The following PTPN6 variants were observed in gnomAD, a reference collection of about 807,000 sequenced individuals.
The protein encoded by PTPN6 is protein tyrosine phosphatase non-receptor type 6.
A neutral mutation model predicts 81.5 loss-of-function variants in PTPN6; 18 were observed. The observed-to-expected ratio is 0.22, with a 90% CI of 0.15 to 0.33. The LOEUF (loss-of-function observed/expected upper bound fraction) is 0.33. Among genes scored for constraint, PTPN6 ranks in the 10% least tolerant of loss-of-function variants. The pLI, the probability that PTPN6 is intolerant of heterozygous loss-of-function variation, is 1.00. For missense variants in PTPN6, 500 were observed against 794.2 expected (o/e 0.63, Z 4.45); for synonymous variants, 301 against 310.9 (o/e 0.97, Z 0.33).
In PTPN6 at chr12:6,955,449, G is replaced by C. The variant is rs1315244865; in HGVS notation, c.711G>C (p.Glu237Asp). The C allele has an allele frequency of 1.2e-6, 2 of 1,614,010 alleles. No individual in the cohort carries two copies. The highest frequency in any genetic ancestry group is 1.3e-5 in the African/African-American group (1 of 74,904). The part of the protein sequence containing the change: ...VLELNKKQES[E>D]DTAKAGFWEE... Reference sequence around the variant, plus strand: ...AACTGAACAAGAAGCAGGAGTCCGAGGATACAGCCAAGGCTGGCTTCTGGG... The same window carrying C: ...AACTGAACAAGAAGCAGGAGTCCGACGATACAGCCAAGGCTGGCTTCTGGG... Residue 237 changes from glutamate (E) to aspartate (D), a missense_variant, in exon 6 of 16, where the codon GAG (glutamate) becomes GAC (aspartate). Physicochemically the swap from Glu to Asp is conservative, Grantham distance 45. Transcript: ENST00000318974. The surrounding 1 kb of genome is among the most constrained non-coding windows in gnomAD (Gnocchi z 7.2).
Position 6,954,310 on chromosome 12 carries a change from G to A in PTPN6, c.327-495G>A, listed in dbSNP as rs1945981316. On this transcript the variant is annotated intron_variant, in intron 3 of 15. Transcript: ENST00000318974. The surrounding 1 kb of genome is among the most constrained non-coding windows in gnomAD (Gnocchi z 5.4). ...GTGGCCTCGGTCTGCGTTTCTCTTT[G>A]CCTCTGGTCTCTGCTGGGGCACAGT... 6.6e-6 allele frequency among the ~76,000 whole-genome samples: 1 copy of A among 152,146 alleles called. No homozygotes were observed. The highest frequency in any genetic ancestry group is 2.4e-5 in the African/African-American group (1 of 41,434).
rs1476817167 is a variant in PTPN6 at position 6,959,063 on chromosome 12, TCCTCTTCCC to T, written c.1362-861_1362-853del. Among the ~76,000 whole-genome samples the T allele has an allele frequency of 6.6e-6, 1 of 152,204 alleles. No individual in the cohort carries two copies. Among genetic ancestry groups the T allele is most frequent in the African/African-American group, 2.4e-5 (1 of 41,456 alleles). On this transcript the variant is annotated intron_variant, in intron 11 of 15. Transcript: ENST00000318974. This position sits in a 1 kb window ranked among gnomAD's most constrained non-coding sequence, Gnocchi z 6.6. ...AGGCCTGCGACGGCCTCTGGCTTCC[TCCTCTTCCC>T]CCAGCAGCTGTTTGTCCTGGGACAG...
Position 6,955,294 on chromosome 12 carries a change from C to T in PTPN6, c.633+27C>T, listed in dbSNP as rs1467114723. On this transcript the variant is annotated intron_variant, in intron 5 of 15. Transcript: ENST00000318974. This position sits in a 1 kb window ranked among gnomAD's most constrained non-coding sequence, Gnocchi z 7.2. ...TCAGGGGTGGGCCCAGCTGCCTCCCCACTTCCCCTGAGCTGTCCCCCAGAT... is the reference window on the plus strand; with the variant it reads ...TCAGGGGTGGGCCCAGCTGCCTCCCTACTTCCCCTGAGCTGTCCCCCAGAT... 37 of 1,611,762 alleles carry T rather than the reference C, an allele frequency of 2.3e-5. No individual in the cohort carries two copies. The highest frequency in any genetic ancestry group is 3.0e-5 in the Non-Finnish European group (35 of 1,177,924).
At position 6,951,619 on chromosome 12, in the gene PTPN6, C is replaced by A. The variant is rs1179133485; in HGVS notation, c.19C>A (p.Arg7=). 6.2e-7 allele frequency: 1 copy of A among 1,613,676 alleles called. No homozygotes were observed. The highest frequency in any genetic ancestry group is 1.3e-5 in the African/African-American group (1 of 74,854). Residue 7 remains arginine, a synonymous_variant, in exon 2 of 16, where the codon CGA becomes AGA. Transcript: ENST00000318974. The surrounding 1 kb of genome is among the most constrained non-coding windows in gnomAD (Gnocchi z 7.2). ...GCCTGGGCCGCCCAGGTGGTTTCAC[C>A]GAGACCTCAGTGGGCTGGATGCAGA... The part of the protein sequence containing the change: MVRWFH[R]DLSGLDAETL...
Position 6,957,796 on chromosome 12 carries a change from C to T in PTPN6, c.1206+11C>T, listed in dbSNP as rs1555148977. On this transcript the variant is annotated intron_variant, in intron 10 of 15. Coordinates refer to ENST00000318974, the MANE Select transcript of PTPN6 (RefSeq NM_002831.6). This position sits in a 1 kb window ranked among gnomAD's most constrained non-coding sequence, Gnocchi z 6.5. ...TCCCCGCTGGACAATGTGAGTGGCC[C>T]CCACGCCCTGCCCCATTCCGGGAGT... 2 of 1,614,090 alleles carry T rather than the reference C, an allele frequency of 1.2e-6. No homozygotes were observed. Among genetic ancestry groups the T allele is most frequent in the African/African-American group, 1.3e-5 (1 of 75,056 alleles).
Position 6,951,709 on chromosome 12 carries a change from G to T in PTPN6, c.109G>T (p.Gly37Cys). 1.2e-6 allele frequency: 2 copies of T among 1,613,228 alleles called. No individual in the cohort carries two copies. Among genetic ancestry groups the T allele is most frequent in the East Asian group, 2.2e-5 (1 of 44,854 alleles). ...GGCTCGGCCCAGTCGCAAGAACCAG[G>T]GTGACTTCTCGCTCTCCGTCAGGTA... ...FLARPSRKNQGDFSLSVRVGD... is the reference protein window; with the variant it reads ...FLARPSRKNQCDFSLSVRVGD... Residue 37 changes from glycine (G) to cysteine (C), a missense_variant, in exon 2 of 16, where the codon GGT becomes TGT. Transcript: ENST00000318974. This position sits in a 1 kb window ranked among gnomAD's most constrained non-coding sequence, Gnocchi z 7.2.
In PTPN6 at chr12:6,957,298, G is replaced by C. The variant is rs1277293282; in HGVS notation, c.1075-356G>C. 1.3e-5 allele frequency among the ~76,000 whole-genome samples: 2 copies of C among 152,234 alleles called. No homozygotes were observed. The highest frequency in any genetic ancestry group is 2.9e-5 in the Non-Finnish European group (2 of 68,044). ...GTCTTTCCCAGCCACGCTCCTCAGCGCGGTGTCTCCCCCGGTCACCTGTCT... is the reference window on the plus strand; with the variant it reads ...GTCTTTCCCAGCCACGCTCCTCAGCCCGGTGTCTCCCCCGGTCACCTGTCT... On this transcript the variant is annotated intron_variant, in intron 9 of 15. Coordinates refer to ENST00000318974, the MANE Select transcript of PTPN6 (RefSeq NM_002831.6). This position sits in a 1 kb window ranked among gnomAD's most constrained non-coding sequence, Gnocchi z 6.5.
At chr12:6,949,466 C>T (rs781958384), upstream of PTPN6, among the ~76,000 whole-genome samples, 1 of 152,302 alleles carries the variant, frequency 6.6e-6, no homozygotes, top group East Asian at 1.9e-4. Flanking sequence ...CAGGCTCCGG[C>T]GTCTGACAGC....
upstream of PTPN6, chr12:6,946,679 C>T: frequency 6.4e-7 from 1 of 1,565,820 alleles, no homozygotes; most frequent in Non-Finnish European, 8.8e-7. Context: ...TGGCTCAGCC[C>T]CGCCCCCTGC....
upstream of PTPN6, among the ~76,000 whole-genome samples, chr12:6,947,668 C>CAAAAAA (rs112544780): frequency 3.1e-5 from 2 of 64,750 alleles, no homozygotes; most frequent in Non-Finnish European, 3.3e-5. Context: ...GACCTTGTCT[C>CAAAAAA]AAAAAAAAAA....
In PTPN6 at chr12:6,952,618, T is replaced by G. The variant is rs1425136758; in HGVS notation, c.326+441T>G. 3.7e-6 allele frequency: 1 copy of G among 271,918 alleles called. No homozygotes were observed. The highest frequency in any genetic ancestry group is 7.3e-6 in the Non-Finnish European group (1 of 136,562). 16.8% of individuals were successfully genotyped at this position (271,918 alleles called of 1,614,324 possible). ...GCTGACACTGGGGTGAAGATGGGGA[T>G]GAATGCTTGCCAAGACACTTGATGC... On this transcript the variant is annotated intron_variant, in intron 3 of 15. Coordinates refer to ENST00000318974, the MANE Select transcript of PTPN6 (RefSeq NM_002831.6). This position sits in a 1 kb window ranked among gnomAD's most constrained non-coding sequence, Gnocchi z 8.1.
At position 6,957,832 on chromosome 12, in the gene PTPN6, A is replaced by T; in HGVS notation, c.1206+47A>T. The T allele has an allele frequency of 6.2e-7, 1 of 1,613,924 alleles. No individual in the cohort carries two copies. Among genetic ancestry groups the T allele is most frequent in the Non-Finnish European group, 8.5e-7 (1 of 1,179,976 alleles). ...CCCCATTCCGGGAGTCCCTCCCTGG[A>T]CTTGTTCTCCTCTCTGGTCGGGTAG... On this transcript the variant is annotated intron_variant, in intron 10 of 15. Coordinates refer to ENST00000318974, the MANE Select transcript of PTPN6 (RefSeq NM_002831.6). The surrounding 1 kb of genome is among the most constrained non-coding windows in gnomAD (Gnocchi z 6.5).
rs1555149442 is a variant in PTPN6 at position 6,960,077 on chromosome 12, C to T, written c.1430-11C>T. On this transcript the variant is annotated splice_polypyrimidine_tract_variant and intron_variant, in intron 12 of 15. Coordinates refer to ENST00000318974, the MANE Select transcript of PTPN6 (RefSeq NM_002831.6). This position sits in a 1 kb window ranked among gnomAD's most constrained non-coding sequence, Gnocchi z 6.1. The stretch of plus-strand genomic sequence containing the variant: ...ATGCCTGGACCTGAGGTTTGACTGC[C>T]CCCCACCCAGGCCTGGACTGTGACA... 2 of 1,613,524 alleles carry T rather than the reference C, an allele frequency of 1.2e-6. No individual in the cohort carries two copies. The highest frequency in any genetic ancestry group is 1.7e-6 in the Non-Finnish European group (2 of 1,179,996).
At position 6,960,633 on chromosome 12, in the gene PTPN6, C is replaced by T. The variant is rs1202364800; in HGVS notation, c.1674-173C>T. ...CTCTGCTAGGTACCAGCAGCGCACT[C>T]GTGTATGAGATGTAGCCTCTGTCCT... On this transcript the variant is annotated intron_variant, in intron 14 of 15. Transcript: ENST00000318974. The surrounding 1 kb of genome is among the most constrained non-coding windows in gnomAD (Gnocchi z 6.1). The T allele has an allele frequency of 1.2e-5, 19 of 1,530,950 alleles. No individual in the cohort carries two copies. Among genetic ancestry groups the T allele is most frequent in the African/African-American group, 2.8e-5 (2 of 72,544 alleles). 94.8% of individuals were successfully genotyped at this position (1,530,950 alleles called of 1,614,324 possible).
At position 6,957,896 on chromosome 12, in the gene PTPN6, C is replaced by G; in HGVS notation, c.1207-23C>G. On this transcript the variant is annotated intron_variant, in intron 10 of 15. Coordinates refer to ENST00000318974, the MANE Select transcript of PTPN6 (RefSeq NM_002831.6). The surrounding 1 kb of genome is among the most constrained non-coding windows in gnomAD (Gnocchi z 6.5). Reference sequence around the variant, plus strand: ...AGGTGTTCCGAGAGAGGAGGGGGCACTGACCCTATGTCCTCGGCTTAGGGA... The same window carrying G: ...AGGTGTTCCGAGAGAGGAGGGGGCAGTGACCCTATGTCCTCGGCTTAGGGA... 2 of 1,614,036 alleles carry G rather than the reference C, an allele frequency of 1.2e-6. No individual in the cohort carries two copies. Among genetic ancestry groups the G allele is most frequent in the African/African-American group, 1.3e-5 (1 of 75,042 alleles).
chr12:6,951,229 C>T, upstream of PTPN6: 1 of 1,424,002 alleles, frequency 7.0e-7, no homozygotes, highest in South Asian at 1.5e-5. This position sits in a 1 kb window ranked among gnomAD's most constrained non-coding sequence, Gnocchi z 7.2. Context: ...GCCCCGTCCC[C>T]ACCCCCAGTG....
At chr12:6,953,525 G>A (rs1391131217) in intron 3 of PTPN6, 1 of 152,248 alleles carries the variant, frequency 6.6e-6, no homozygotes, top group Non-Finnish European at 1.5e-5. Context: ...GCCCTTTTGG[G>A]TGACCCGTCC....
chr12:6,949,108 T>C (rs1555147321), upstream of PTPN6, among the ~76,000 whole-genome samples: 1 of 152,170 alleles, frequency 6.6e-6, no homozygotes, highest in Non-Finnish European at 1.5e-5. Context: ...CCGATGGGGT[T>C]CCTACTGAGT....
Position 6,960,720 on chromosome 12 carries a change from G to A in PTPN6, c.1674-86G>A, listed in dbSNP as rs1229010294. On this transcript the variant is annotated intron_variant, in intron 14 of 15. Coordinates refer to ENST00000318974, the MANE Select transcript of PTPN6 (RefSeq NM_002831.6). The surrounding 1 kb of genome is among the most constrained non-coding windows in gnomAD (Gnocchi z 6.1). Reference sequence around the variant, plus strand: ...CGTCACCTGTGAGACGGGGTGGCCAGAGGGGACTGCCAGTGCCGGGTCCCC... The same window carrying A: ...CGTCACCTGTGAGACGGGGTGGCCAAAGGGGACTGCCAGTGCCGGGTCCCC... 6.4e-7 allele frequency: 1 copy of A among 1,551,484 alleles called. No homozygotes were observed. The highest frequency in any genetic ancestry group is 1.4e-5 in the African/African-American group (1 of 73,032).
Sources: allele counts gnomAD v4.1 joint callset (sites outside exome capture counted in the v4.1 genomes callset), GRCh38; gene constraint gnomAD v4.1.1; non-coding constraint Gnocchi (gnomAD v3.1); transcripts MANE v1.5; gene names NCBI Gene and HGNC (gene_info 2026-07-23, HGNC 2026-07-21).